The following IGFBP7 variants were observed in gnomAD, a reference collection of about 807,000 sequenced individuals.
IGFBP7 encodes the protein insulin-like growth factor-binding protein 7.
A neutral mutation model predicts 29.4 loss-of-function variants in IGFBP7; 31 were observed. The ratio of observed to expected loss-of-function variants is 1.05; its 90% CI spans 0.79 to 1.42. The LOEUF (loss-of-function observed/expected upper bound fraction) is 1.42, where lower values mean the gene tolerates loss of function less well. Among genes scored for constraint, IGFBP7 ranks in the 40% most tolerant of loss-of-function variants. The pLI is 0.00. For synonymous variants in IGFBP7, 172 were observed against 174.9 expected (o/e 0.98, Z 0.13); for missense variants, 393 against 395.5 (o/e 0.99, Z 0.05).
intron 1 of IGFBP7, among the ~76,000 whole-genome samples, chr4:57,099,765 C>T (rs1426106842): frequency 1.3e-5 from 2 of 152,196 alleles, no homozygotes; most frequent in East Asian, 3.9e-4. Context: ...GGGTCTCCTT[C>T]TGTCATCCAG....
Position 57,034,323 on chromosome 4 carries a change from A to G in IGFBP7, c.586-1012T>C, listed in dbSNP as rs546124581. On this transcript the variant is annotated intron_variant, in intron 2 of 4. Transcript: ENST00000295666. ...TTAGCAGCTGAGTTACAGAGTACAA[A>G]TATTTTAAGCCTTGTGATAATGGTG... Among the ~76,000 whole-genome samples the G allele has an allele frequency of 4.0e-4, 61 of 152,160 alleles. 1 individual carries two copies. In the South Asian group the frequency reaches 0.012, roughly 31 times the overall value.
At chr4:57,054,133 C>A (rs898122204) in intron 1 of IGFBP7, among the ~76,000 whole-genome samples, 2 of 152,066 alleles carry the variant, frequency 1.3e-5, no homozygotes, top group Admixed American at 1.3e-4. Context: ...TACAGGTGAG[C>A]AACCACCAAG....
chr4:57,040,969 A>C, intron 1 of IGFBP7, 36 bp from the exon 2 acceptor site: 1 of 1,347,976 alleles, frequency 7.4e-7, no homozygotes. Context: ...GTCATCTTTT[A>C]AACAGTCCTT....
At chr4:57,094,580 G>C (rs1725718201) in intron 1 of IGFBP7, among the ~76,000 whole-genome samples, 1 of 152,078 alleles carries the variant, frequency 6.6e-6, no homozygotes, top group Non-Finnish European at 1.5e-5. Flanking sequence ...GCTCATCATG[G>C]GATAGTCAAA....
At chr4:57,073,023 T>C in intron 1 of IGFBP7, 1 of 1,155,856 alleles carries the variant, frequency 8.7e-7, no homozygotes, top group African/African-American at 1.5e-5. Flanking sequence ...AAACCCAACA[T>C]TGATAGCTCG....
chr4:57,106,639 G>A (rs962712753), intron 1 of IGFBP7, among the ~76,000 whole-genome samples: 4 of 152,292 alleles, frequency 2.6e-5, no homozygotes, highest in African/African-American at 4.8e-5. Flanking sequence ...CCTTAAGAAT[G>A]ACATTCTGAT....
intron 1 of IGFBP7, chr4:57,065,484 C>T (rs1292326309): frequency 6.6e-6 from 1 of 152,226 alleles, no homozygotes; most frequent in African/African-American, 2.4e-5. Context: ...GAGAAAGTGA[C>T]TCACTCTTGA....
chr4:57,073,003 C>A (rs1173521260), intron 1 of IGFBP7: 5 of 978,250 alleles, frequency 5.1e-6, no homozygotes, highest in Non-Finnish European at 8.1e-6. Context: ...CCATCCACAG[C>A]CTTCGAGGCA....
intron 1 of IGFBP7, among the ~76,000 whole-genome samples, chr4:57,047,484 A>C (rs958223206): frequency 2.0e-5 from 3 of 152,198 alleles, no homozygotes; most frequent in African/African-American, 7.2e-5. Flanking sequence ...AAAATGAAGA[A>C]AGATAGCCAG....
At chr4:57,047,631 T>G (rs755426372) in intron 1 of IGFBP7, among the ~76,000 whole-genome samples, 1 of 152,222 alleles carries the variant, frequency 6.6e-6, no homozygotes, top group Non-Finnish European at 1.5e-5. Context: ...AAATAAACAT[T>G]AAAAATAAAG....
chr4:57,046,963 C>T (rs1220052926), intron 1 of IGFBP7, among the ~76,000 whole-genome samples: 1 of 152,152 alleles, frequency 6.6e-6, no homozygotes, highest in Non-Finnish European at 1.5e-5. Flanking sequence ...ATTTTCTTGC[C>T]TTCCCTATTT....
chr4:57,033,116 C>T (rs1162963581), intron 3 of IGFBP7, 79 bp downstream of exon 3: 7 of 975,012 alleles, frequency 7.2e-6, no homozygotes, highest in Non-Finnish European at 1.2e-5. Context: ...GCTGGCGGTA[C>T]ATCAGGCACC....
intron 1 of IGFBP7, among the ~76,000 whole-genome samples, chr4:57,084,952 G>A (rs1048371759): frequency 2.0e-5 from 3 of 151,456 alleles, no homozygotes; most frequent in African/African-American, 7.3e-5. Context: ...CATCATGCCT[G>A]GATAATTTTT....
intron 1 of IGFBP7, chr4:57,072,783 G>T: frequency 1.9e-6 from 1 of 537,608 alleles, no homozygotes. Flanking sequence ...AAATGGGTGG[G>T]GACCATCCAT....
intron 1 of IGFBP7, among the ~76,000 whole-genome samples, chr4:57,092,893 A>C (rs533554837): frequency 6.6e-6 from 1 of 151,730 alleles, no homozygotes; most frequent in East Asian, 1.9e-4. Context: ...ATTAGTTATA[A>C]ATTTAAAATT....
rs139110932 is a variant in IGFBP7, at chr4:57,089,620, C to T, written c.475+20257G>A. Among the ~76,000 whole-genome samples, 241 of 152,320 alleles carry T rather than the reference C, an allele frequency of 1.6e-3. 3 individuals are homozygous for T. The highest frequency in any genetic ancestry group is 5.4e-3 in the African/African-American group (224 of 41,576). Reference sequence around the variant, plus strand: ...GCTTCTAGTCACCCTTTGAATTCACCTTCAGCAACTGTGTCTGAAATGAAA... The same window carrying T: ...GCTTCTAGTCACCCTTTGAATTCACTTTCAGCAACTGTGTCTGAAATGAAA... On this transcript the variant is annotated intron_variant, in intron 1 of 4. Transcript: ENST00000295666.
At chr4:57,044,313 A>G (rs1724307350) in intron 1 of IGFBP7, among the ~76,000 whole-genome samples, 1 of 152,220 alleles carries the variant, frequency 6.6e-6, no homozygotes, top group South Asian at 2.1e-4. Context: ...AAGACATGCT[A>G]TGGATTTTTC....
At chr4:57,078,846 AT>A (rs5858411) in intron 1 of IGFBP7, among the ~76,000 whole-genome samples, 67,948 of 151,842 alleles carry the variant, frequency 0.45, 17,257 homozygotes, top group Admixed American at 0.59. Flanking sequence ...TTCTTGAACA[AT>A]AGAAAGTTCC....
chr4:57,080,450 G>C (rs568065984), intron 1 of IGFBP7, among the ~76,000 whole-genome samples: 2 of 152,104 alleles, frequency 1.3e-5, no homozygotes, highest in Non-Finnish European at 2.9e-5. Flanking sequence ...ACACACGAAG[G>C]GTTTTCCTAA....
Sources: gnomAD v4.1 joint callset for allele counts (sites outside exome capture counted in the v4.1 genomes callset) on GRCh38, gnomAD v4.1.1 for gene constraint, MANE v1.5 for transcripts, NCBI Gene and HGNC (gene_info 2026-07-23, HGNC 2026-07-21) for gene names.